The following VIRMA variants were observed in gnomAD, a reference collection of about 807,000 sequenced individuals.
VIRMA encodes the protein protein virilizer homolog.
In VIRMA, 65 loss-of-function variants were observed where a neutral mutation model predicts 182.4. The observed-to-expected ratio is 0.36, with a 90% CI of 0.29 to 0.44. The LOEUF (loss-of-function observed/expected upper bound fraction) is 0.44, where lower values mean the gene tolerates loss of function less well. Among genes scored for constraint, VIRMA ranks in the 20% least tolerant of loss-of-function variants. The pLI is 1.00. For synonymous variants in VIRMA, 709 were observed against 743.1 expected (o/e 0.95, Z 0.75); for missense variants, 1,752 against 2,158.1 (o/e 0.81, Z 3.73).
chr8:94,552,125 T>C (rs1347266085), intron 1 of VIRMA, among the ~76,000 whole-genome samples: 3 of 152,370 alleles, frequency 2.0e-5, no homozygotes, highest in East Asian at 3.9e-4. Flanking sequence ...ATGTTAGATA[T>C]AGTCATTGAA....
chr8:94,532,338 C>G (rs1815199692), intron 5 of VIRMA, among the ~76,000 whole-genome samples: 1 of 152,172 alleles, frequency 6.6e-6, no homozygotes, highest in Non-Finnish European at 1.5e-5. Flanking sequence ...AACTCCTGAC[C>G]TCAAGTGATC....
At chr8:94,507,454 C>A (rs111581012) in intron 15 of VIRMA, among the ~76,000 whole-genome samples, 1 of 150,032 alleles carries the variant, frequency 6.7e-6, no homozygotes, top group Non-Finnish European at 1.5e-5. Flanking sequence ...GTTTAATATA[C>A]ATTAATACTG....
intron 16 of VIRMA, among the ~76,000 whole-genome samples, chr8:94,502,809 G>C (rs1208273690): frequency 6.6e-6 from 1 of 151,896 alleles, no homozygotes; most frequent in Non-Finnish European, 1.5e-5. Context: ...TAACAAACCG[G>C]AACGTTCTGC....
intron 22 of VIRMA, among the ~76,000 whole-genome samples, chr8:94,490,674 C>T (rs912638005): frequency 1.3e-5 from 2 of 151,892 alleles, no homozygotes; most frequent in Non-Finnish European, 2.9e-5. Context: ...TGGTGAGACC[C>T]CGTCTCTACT....
At chr8:94,494,138 A>G (rs923318409) in intron 20 of VIRMA, among the ~76,000 whole-genome samples, 1 of 152,200 alleles carries the variant, frequency 6.6e-6, no homozygotes, top group Non-Finnish European at 1.5e-5. Flanking sequence ...CTTATGCAAA[A>G]GTGTGATTTT....
intron 11 of VIRMA, 35 bp from the exon 12 acceptor site, chr8:94,512,124 C>T (rs747200744): frequency 8.6e-7 from 1 of 1,156,852 alleles, no homozygotes; most frequent in Non-Finnish European, 1.2e-6. Flanking sequence ...TATTTCGTTT[C>T]TTAGTACCCA....
rs577339919 is a variant in VIRMA at position 94,491,680 on chromosome 8, C to A, written c.5038G>T (p.Val1680Leu). 1 of 1,614,214 alleles carries A rather than the reference C, an allele frequency of 6.2e-7. No homozygotes were observed. Among genetic ancestry groups the A allele is most frequent in the South Asian group, 1.1e-5 (1 of 91,086 alleles). ...GIPPPKRPLK[V>L]SQKISSRGGF... ...CCACGGGAAGAAATCTTCTGTGATACTTTGAGTGGCCGTTTTGGTGGAGGT... is the reference window on the plus strand; with the variant it reads ...CCACGGGAAGAAATCTTCTGTGATAATTTGAGTGGCCGTTTTGGTGGAGGT... The change falls in exon 22 of 24, where the codon GTA becomes TTA. Residue 1680 changes from valine to leucine, a missense_variant. Coordinates refer to ENST00000297591, the MANE Select transcript of VIRMA (RefSeq NM_015496.5).
chr8:94,542,814 T>C (rs986789945), intron 2 of VIRMA, among the ~76,000 whole-genome samples: 6 of 152,340 alleles, frequency 3.9e-5, no homozygotes, highest in African/African-American at 1.4e-4. Context: ...TTTATACCTA[T>C]TTCTACAAAT....
At position 94,496,381 on chromosome 8, in the gene VIRMA, T is replaced by C; in HGVS notation, c.4330A>G (p.Ser1444Gly). Residue 1444 changes from serine (S) to glycine (G), a missense_variant, in exon 18 of 24, where the codon AGC becomes GGC. This residue lies in a region of VIRMA where 777 missense variants were observed against 920.6 expected (regional missense o/e 0.84). Transcript: ENST00000297591. ...NAAELKQLLQ[S>G]KEESPENLFL... Reference sequence around the variant, plus strand: ...AAATTTTCTGGACTTTCTTCTTTGCTTTGTAGAAGCTGTTTTAACTCTGCA... The same window carrying C: ...AAATTTTCTGGACTTTCTTCTTTGCCTTGTAGAAGCTGTTTTAACTCTGCA... 1 of 1,613,724 alleles carries C rather than the reference T, an allele frequency of 6.2e-7. No individual in the cohort carries two copies.
In VIRMA at chr8:94,526,884, G is replaced by A. The variant is rs1814990198; in HGVS notation, c.1360C>T (p.Arg454Ter). 4 of 1,614,038 alleles carry A rather than the reference G, an allele frequency of 2.5e-6. No individual in the cohort carries two copies. Among genetic ancestry groups the A allele is most frequent in the Non-Finnish European group, 2.5e-6 (3 of 1,180,044 alleles). The change falls in exon 8 of 24, where the codon CGA becomes TGA. Residue 454 changes from arginine to a stop codon, truncating the protein, a stop_gained. Transcript: ENST00000297591. LOFTEE classifies it high-confidence loss of function. ...ALRQPIALNV[R>*]QLKAGTKLVS... ...AATTTGGTCCCAGCTTTGAGCTGTCGAACATTTAAGGCGATAGGTTGGCGA... is the reference window on the plus strand; with the variant it reads ...AATTTGGTCCCAGCTTTGAGCTGTCAAACATTTAAGGCGATAGGTTGGCGA...
intron 8 of VIRMA, among the ~76,000 whole-genome samples, chr8:94,523,386 G>T (rs1814841923): frequency 6.6e-6 from 1 of 152,074 alleles, no homozygotes; most frequent in Admixed American, 6.6e-5. Context: ...TCTAGCTGCT[G>T]CCTTGTCTCT....
At chr8:94,522,895 T>C (rs1814822093) in intron 8 of VIRMA, among the ~76,000 whole-genome samples, 1 of 152,178 alleles carries the variant, frequency 6.6e-6, no homozygotes, top group African/African-American at 2.4e-5. Context: ...TCAATACCTT[T>C]CCATATTCTA....
intron 1 of VIRMA, among the ~76,000 whole-genome samples, chr8:94,547,483 T>C (rs1815809477): frequency 1.3e-5 from 2 of 150,992 alleles, no homozygotes. Flanking sequence ...CTTCTCTTTC[T>C]ACCCTCTCCT....
Position 94,495,809 on chromosome 8 carries a change from T to C in VIRMA, c.4466A>G (p.Asp1489Gly). 2 of 1,613,764 alleles carry C rather than the reference T, an allele frequency of 1.2e-6. No homozygotes were observed. Among genetic ancestry groups the C allele is most frequent in the African/African-American group, 2.7e-5 (2 of 75,040 alleles). The change falls in exon 19 of 24, where the codon GAC (aspartate) becomes GGC (glycine). Residue 1489 changes from aspartate (D) to glycine (G), a missense_variant. By Grantham distance (94) the Asp-to-Gly change is moderately conservative. Transcript: ENST00000297591. ...GLKQMLESSG[D>G]PLPLSDQDVE... ...ATCCTGGTCACTGAGAGGTAAAGGGTCACCTGATGACTCCAGCATCTGCTT... is the reference window on the plus strand; with the variant it reads ...ATCCTGGTCACTGAGAGGTAAAGGGCCACCTGATGACTCCAGCATCTGCTT...
intron 17 of VIRMA, chr8:94,497,263 C>T (rs1226197881): frequency 1.3e-5 from 2 of 151,964 alleles, no homozygotes; most frequent in Admixed American, 1.3e-4. Flanking sequence ...TGCCACCATG[C>T]CCAGGTAATT....
chr8:94,534,798 G>C, intron 5 of VIRMA, 41 bp downstream of exon 5: 1 of 1,592,304 alleles, frequency 6.3e-7, no homozygotes, highest in Non-Finnish European at 8.6e-7. Context: ...TTAAACCACG[G>C]ATATAAGTTT....
chr8:94,519,032 G>T lies in VIRMA; in HGVS notation c.2466C>A (p.Leu822=). 1 of 1,613,634 alleles carries T rather than the reference G, an allele frequency of 6.2e-7. No homozygotes were observed. The highest frequency in any genetic ancestry group is 1.1e-5 in the South Asian group (1 of 91,022). ...VGHVFSLEKN[L]QSLITLMEYY... is the part of the protein sequence containing the mutation. Reference sequence around the variant, plus strand: ...ACTCCATTAGAGTAATAAGACTTTGGAGATTTTTCTCCAGACTAAAAACAT... The same window carrying T: ...ACTCCATTAGAGTAATAAGACTTTGTAGATTTTTCTCCAGACTAAAAACAT... The change falls in exon 9 of 24, where the codon CTC becomes CTA. Residue 822 remains leucine (L), a synonymous_variant. Coordinates refer to ENST00000297591, the MANE Select transcript of VIRMA (RefSeq NM_015496.5).
intron 4 of VIRMA, among the ~76,000 whole-genome samples, chr8:94,536,775 C>T (rs529805957): frequency 6.6e-6 from 1 of 152,144 alleles, no homozygotes; most frequent in Non-Finnish European, 1.5e-5. Flanking sequence ...GTCAGGAGAT[C>T]AAGACCATCC....
chr8:94,499,182 T>G (rs1229566552), intron 17 of VIRMA, 192 bp downstream of exon 17: 1 of 388,596 alleles, frequency 2.6e-6, no homozygotes, highest in Non-Finnish European at 4.6e-6. Context: ...TTCTCTTTTT[T>G]TCAAGACAGG....
Sources: gnomAD v4.1 joint callset for allele counts (sites outside exome capture counted in the v4.1 genomes callset) on GRCh38, gnomAD v4.1.1 for gene constraint, gnomAD v4.1.1 regional missense constraint, MANE v1.5 for transcripts, NCBI Gene and HGNC (gene_info 2026-07-23, HGNC 2026-07-21) for gene names.